Variants in SEC24B observed in about 807,000 individuals in gnomAD.
The protein encoded by SEC24B is SEC24 homolog B, COPII component.
SEC24B carries 45 observed loss-of-function variants against 142.8 expected under a neutral mutation model. The observed-to-expected ratio is 0.32, with a 90% confidence interval of 0.25 to 0.40. The LOEUF is 0.40. Among genes scored for constraint, SEC24B ranks in the 10% least tolerant of loss-of-function variants. SEC24B has a pLI of 1.00. For missense variants in SEC24B, 1,409 were observed against 1,526.8 expected, an observed-to-expected ratio of 0.92 and a Z score of 1.29; for synonymous variants, 574 against 568.2, an observed-to-expected ratio of 1.01 and a Z score of -0.15.
intron 1 of SEC24B, among the ~76,000 whole-genome samples, chr4:109,460,875 C>G (rs1019215898): frequency 1.3e-5 from 2 of 151,384 alleles, no homozygotes; most frequent in Non-Finnish European, 2.9e-5. Context: ...GTATAAAACA[C>G]TAGAGTAAAA....
intron 14 of SEC24B, among the ~76,000 whole-genome samples, chr4:109,522,841 T>A (rs1019912476): frequency 2.6e-5 from 4 of 152,212 alleles, no homozygotes; most frequent in Admixed American, 2.6e-4. Flanking sequence ...AAAGTAAATG[T>A]GAAAGTAATC....
intron 1 of SEC24B, among the ~76,000 whole-genome samples, chr4:109,458,781 T>C (rs1730961711): frequency 6.6e-6 from 1 of 151,886 alleles, no homozygotes; most frequent in Non-Finnish European, 1.5e-5. Context: ...ATCAGAATGT[T>C]AGCAGGTTAT....
intron 22 of SEC24B, among the ~76,000 whole-genome samples, chr4:109,537,655 A>T (rs1210768025): frequency 6.6e-6 from 1 of 152,178 alleles, no homozygotes. Context: ...CCCATCTCTT[A>T]AAAAGAAAAA....
intron 4 of SEC24B, 39 bp from the exon 5 acceptor site, chr4:109,491,288 T>C (rs893603791): frequency 1.1e-5 from 17 of 1,500,628 alleles, no homozygotes; most frequent in Non-Finnish European, 1.6e-5. Flanking sequence ...AGATACTTTG[T>C]CATTTTAAAC....
At chr4:109,485,323 A>G (rs1429434132) in intron 4 of SEC24B, among the ~76,000 whole-genome samples, 1 of 152,192 alleles carries the variant, frequency 6.6e-6, no homozygotes, top group Non-Finnish European at 1.5e-5. Context: ...ATTAAGTAAC[A>G]TTTGTCTGTG....
chr4:109,444,718 G>A lies in SEC24B; in HGVS notation c.133+10716G>A, dbSNP rs569619505. ...GAAAATCATAGGCTGTATCTTGCTG[G>A]CACATGATATATCAGTCAGGCTGAC... On this transcript the variant is annotated intron_variant, in intron 1 of 23. Coordinates refer to ENST00000265175, the MANE Select transcript of SEC24B (RefSeq NM_006323.5). Among the ~76,000 whole-genome samples the A allele has an allele frequency of 3.9e-5, 6 of 152,118 alleles. No individual in the cohort carries two copies. In the South Asian group the frequency reaches 1.2e-3, roughly 32 times the overall value.
At chr4:109,447,358 G>T (rs1729577375) in intron 1 of SEC24B, among the ~76,000 whole-genome samples, 1 of 151,942 alleles carries the variant, frequency 6.6e-6, no homozygotes, top group Non-Finnish European at 1.5e-5. Context: ...TTCAAAAAAG[G>T]TATCACATAC....
At chr4:109,531,604 A>C in intron 20 of SEC24B, 82 bp downstream of exon 20, 1 of 1,042,974 alleles carries the variant, frequency 9.6e-7, no homozygotes, top group Non-Finnish European at 1.4e-6. Context: ...ATAATATACT[A>C]TCAACTGGTT....
At chr4:109,449,575 T>C (rs1253450136) in intron 1 of SEC24B, 3 of 452,696 alleles carry the variant, frequency 6.6e-6, no homozygotes, top group African/African-American at 6.0e-5. Flanking sequence ...TTTGAGAGAG[T>C]GTCAGCATGG....
intron 1 of SEC24B, among the ~76,000 whole-genome samples, 196 bp downstream of exon 1, chr4:109,434,198 G>C (rs1728156526): frequency 6.6e-6 from 1 of 151,390 alleles, no homozygotes; most frequent in African/African-American, 2.4e-5. Flanking sequence ...GCACGGCGCG[G>C]GGCGCGCGGG....
intron 4 of SEC24B, among the ~76,000 whole-genome samples, chr4:109,482,874 C>T (rs1477684755): frequency 2.2e-5 from 3 of 139,460 alleles, no homozygotes; most frequent in East Asian, 2.2e-4. Flanking sequence ...TCAGGGAATC[C>T]GCCCACCTCA....
Position 109,506,524 on chromosome 4 carries a change from T to C in SEC24B, c.1673+12T>C, listed in dbSNP as rs773346432. 2 of 1,458,546 alleles carry C rather than the reference T, an allele frequency of 1.4e-6. No individual in the cohort carries two copies. Among genetic ancestry groups the C allele is most frequent in the Non-Finnish European group, 1.8e-6 (2 of 1,098,288 alleles). The allele number at this position is 1,458,546 out of a possible 1,614,324, so 90.4% of individuals were successfully genotyped here. A position where few individuals can be genotyped will look rare whatever the true frequency, so the allele number is the denominator to read the frequency against. On this transcript the variant is annotated intron_variant, in intron 7 of 23. Coordinates refer to ENST00000265175, the MANE Select transcript of SEC24B (RefSeq NM_006323.5). The stretch of plus-strand genomic sequence containing the variant: ...AACTGTAGCCCAGAGTAGGTATTTA[T>C]TTATTTTATAATCTTTCTTAAGTGA...
chr4:109,475,874 C>T (rs945264564), intron 3 of SEC24B, among the ~76,000 whole-genome samples: 1 of 151,966 alleles, frequency 6.6e-6, no homozygotes, highest in South Asian at 2.1e-4. Flanking sequence ...TTTTCCATGA[C>T]CATAATATAT....
At chr4:109,470,067 C>T (rs531041865) in intron 2 of SEC24B, among the ~76,000 whole-genome samples, 37 of 152,260 alleles carry the variant, frequency 2.4e-4, no homozygotes, top group Middle Eastern at 6.8e-3. Context: ...TACCTACTAA[C>T]AGATGGGTAA....
chr4:109,449,183 G>T (rs1729792230), intron 1 of SEC24B, among the ~76,000 whole-genome samples: 1 of 152,080 alleles, frequency 6.6e-6, no homozygotes, highest in South Asian at 2.1e-4. Flanking sequence ...GTCTTAGCTA[G>T]GTTGCTATAT....
intron 1 of SEC24B, among the ~76,000 whole-genome samples, chr4:109,461,681 A>G (rs1731271895): frequency 6.6e-6 from 1 of 152,250 alleles, no homozygotes; most frequent in Non-Finnish European, 1.5e-5. Flanking sequence ...ATGCATAAGC[A>G]TTAACTGTAA....
At chr4:109,493,076 G>C (rs1188677652) in intron 5 of SEC24B, among the ~76,000 whole-genome samples, 2 of 151,864 alleles carry the variant, frequency 1.3e-5, no homozygotes. Flanking sequence ...AGAACTTTCT[G>C]CCTATGTTTC....
At chr4:109,465,276 A>G (rs954447078) in intron 2 of SEC24B, among the ~76,000 whole-genome samples, 3 of 152,244 alleles carry the variant, frequency 2.0e-5, no homozygotes, top group Middle Eastern at 3.2e-3. Context: ...TACCAGAATC[A>G]CTGGCACAGA....
In SEC24B at chr4:109,513,741, A is replaced by G; in HGVS notation, c.1904-6A>G. 3 of 1,554,378 alleles carry G rather than the reference A, an allele frequency of 1.9e-6. No individual in the cohort carries two copies. Among genetic ancestry groups the G allele is most frequent in the Non-Finnish European group, 2.7e-6 (3 of 1,125,976 alleles). ...CTCTAAATTTGTACTGGGACCTCTT[A>G]TCTAGTTCCTGAAGAATTTATGTAT... On this transcript the variant is annotated splice_polypyrimidine_tract_variant and splice_region_variant and intron_variant, in intron 9 of 23. Transcript: ENST00000265175.
Sources: gnomAD v4.1 joint callset for allele counts (sites outside exome capture counted in the v4.1 genomes callset) on GRCh38, gnomAD v4.1.1 for gene constraint, MANE v1.5 for transcripts, NCBI Gene and HGNC (gene_info 2026-07-23, HGNC 2026-07-21) for gene names.